Variants in IL18R1 observed in about 807,000 individuals in gnomAD.
IL18R1 encodes the protein interleukin 18 receptor 1.
In IL18R1, 40 loss-of-function variants were observed where a neutral mutation model predicts 48.5. The ratio of observed to expected loss-of-function variants is 0.82; its 90% CI spans 0.64 to 1.07. IL18R1 has a LOEUF of 1.07. Among genes scored for constraint, IL18R1 ranks in the 50% least tolerant of loss-of-function variants. The pLI is 0.00. For synonymous variants in IL18R1, 232 were observed against 225.9 expected, an observed-to-expected ratio of 1.03 and a Z score of -0.24; for missense variants, 596 against 633.7, an observed-to-expected ratio of 0.94 and a Z score of 0.64.
At chr2:102,360,515 G>A (rs1388064834) in intron 1 of IL18R1, among the ~76,000 whole-genome samples, 1 of 152,012 alleles carries the variant, frequency 6.6e-6, no homozygotes, top group Non-Finnish European at 1.5e-5. Context: ...CGCCCATCTC[G>A]GCCTCCCAAA....
intron 3 of IL18R1, among the ~76,000 whole-genome samples, chr2:102,369,176 A>G (rs1431355544): frequency 5.6e-5 from 4 of 71,328 alleles, no homozygotes; most frequent in South Asian, 3.0e-4. Flanking sequence ...GAAAAAGAAC[A>G]ACAAACACCG....
At chr2:102,380,205 A>T (rs762898770) in intron 5 of IL18R1, among the ~76,000 whole-genome samples, 6 of 152,088 alleles carry the variant, frequency 3.9e-5, no homozygotes, top group Admixed American at 6.5e-5. Context: ...TCCTTCCATG[A>T]CCTACATGGG....
intron 4 of IL18R1, among the ~76,000 whole-genome samples, chr2:102,374,731 C>T (rs6731157): frequency 0.53 from 80,734 of 151,166 alleles, 23,357 homozygotes; most frequent in African/African-American, 0.73. Flanking sequence ...CGAGCCGAGA[C>T]TGGGCCACTG....
chr2:102,367,986 T>C lies in IL18R1; in HGVS notation c.220T>C (p.Ser74Pro). Reference sequence around the variant, plus strand: ...TGTGGAGCTGAACCCAAGGAGTTCCTCGAGAATTGCTTTGCATGATTGTGT... The same window carrying C: ...TGTGGAGCTGAACCCAAGGAGTTCCCCGAGAATTGCTTTGCATGATTGTGT... ...EHVELNPRSS[S>P]RIALHDCVLE... Residue 74 changes from serine to proline, a missense_variant, in exon 3 of 11, where the codon TCG (serine) becomes CCG (proline). Coordinates refer to ENST00000233957, the MANE Select transcript of IL18R1 (RefSeq NM_003855.5). 1 of 1,614,200 alleles carries C rather than the reference T, an allele frequency of 6.2e-7. No homozygotes were observed. The highest frequency in any genetic ancestry group is 1.7e-5 in the Admixed American group (1 of 60,018).
In IL18R1 at chr2:102,368,087, T is replaced by C. The variant is rs372048536; in HGVS notation, c.302+19T>C. 2 of 1,612,534 alleles carry C rather than the reference T, an allele frequency of 1.2e-6. No individual in the cohort carries two copies. Among genetic ancestry groups the C allele is most frequent in the Non-Finnish European group, 1.7e-6 (2 of 1,178,734 alleles). Reference sequence around the variant, plus strand: ...AAATGAAGTGAGTAACCCTTTCTTTTCAAAATGTATTTCACAGCCCTCTTG... The same window carrying C: ...AAATGAAGTGAGTAACCCTTTCTTTCCAAAATGTATTTCACAGCCCTCTTG... On this transcript the variant is annotated intron_variant, in intron 3 of 10. Transcript: ENST00000233957.
At chr2:102,373,905 G>A in intron 4 of IL18R1, 1 of 425,400 alleles carries the variant, frequency 2.4e-6, no homozygotes, top group Admixed American at 2.5e-5. Flanking sequence ...TCTAATGCCT[G>A]ATGATCTGTC....
chr2:102,376,213 T>G (rs1446260510), intron 5 of IL18R1, 150 bp downstream of exon 5: 1 of 533,638 alleles, frequency 1.9e-6, no homozygotes, highest in Non-Finnish European at 3.1e-6. Context: ...AAATCTTCAT[T>G]CTGGTGCTCC....
intron 9 of IL18R1, among the ~76,000 whole-genome samples, chr2:102,394,166 AC>A (rs1444650411): frequency 1.3e-5 from 2 of 151,868 alleles, no homozygotes; most frequent in Non-Finnish European, 2.9e-5. Flanking sequence ...GAATGAGGAC[AC>A]CTTTGGGCTC....
intron 1 of IL18R1, among the ~76,000 whole-genome samples, 151 bp downstream of exon 1, chr2:102,356,551 C>T (rs1456292379): frequency 6.6e-6 from 1 of 152,204 alleles, no homozygotes; most frequent in Admixed American, 6.5e-5. Flanking sequence ...ATTGATGAGA[C>T]AGCATCCTGT....
At chr2:102,391,363 C>A (rs1482177279) in intron 9 of IL18R1, among the ~76,000 whole-genome samples, 1 of 152,170 alleles carries the variant, frequency 6.6e-6, no homozygotes, top group Non-Finnish European at 1.5e-5. Flanking sequence ...AATATGCGCA[C>A]TCTTTTCAAC....
At chr2:102,356,679 C>G (rs138498067) in intron 1 of IL18R1, among the ~76,000 whole-genome samples, 1 of 152,262 alleles carries the variant, frequency 6.6e-6, no homozygotes, top group Non-Finnish European at 1.5e-5. Context: ...TTACTGTGTG[C>G]CTGACACTGT....
At chr2:102,370,421 A>G (rs1381913972) in intron 3 of IL18R1, among the ~76,000 whole-genome samples, 1 of 152,136 alleles carries the variant, frequency 6.6e-6, no homozygotes, top group Non-Finnish European at 1.5e-5. Flanking sequence ...GACATTACGA[A>G]AACACACTTG....
chr2:102,382,339 C>G (rs1218173646), intron 6 of IL18R1, among the ~76,000 whole-genome samples: 1 of 152,036 alleles, frequency 6.6e-6, no homozygotes, highest in African/African-American at 2.4e-5. Context: ...AGAGATGAGT[C>G]AAACTAATTT....
chr2:102,381,621 T>A lies in IL18R1; in HGVS notation c.627T>A (p.Asp209Glu), dbSNP rs1460359611. ...TKTFNITIVE[D>E]RSNIVPVLLG... ...TGTCTTTTCTTTTGTCACTTCTAGA[T>A]CGCAGTAATATAGTTCCGGTTCTTC... Residue 209 changes from aspartate to glutamate, a missense_variant and splice_region_variant, in exon 6 of 11, where the codon GAT becomes GAA. Coordinates refer to ENST00000233957, the MANE Select transcript of IL18R1 (RefSeq NM_003855.5). The A allele has an allele frequency of 3.1e-6, 5 of 1,611,912 alleles. No individual in the cohort carries two copies. Among genetic ancestry groups the A allele is most frequent in the Non-Finnish European group, 4.2e-6 (5 of 1,178,122 alleles).
intron 5 of IL18R1, among the ~76,000 whole-genome samples, chr2:102,376,714 G>C (rs1679608631): frequency 6.6e-6 from 1 of 152,308 alleles, no homozygotes; most frequent in African/African-American, 2.4e-5. Context: ...GACCCAGGCT[G>C]TGTGTGATGG....
intron 3 of IL18R1, among the ~76,000 whole-genome samples, chr2:102,371,549 A>T (rs765494284): frequency 6.6e-6 from 1 of 152,216 alleles, no homozygotes; most frequent in South Asian, 2.1e-4. Context: ...AAACAACATC[A>T]GGAGTTTATA....
chr2:102,381,031 T>C (rs575790771), intron 5 of IL18R1, among the ~76,000 whole-genome samples: 8 of 152,130 alleles, frequency 5.3e-5, no homozygotes, highest in Non-Finnish European at 1.0e-4. Flanking sequence ...GGGGGCAGAA[T>C]TTATGTGCAG....
chr2:102,387,149 G>T (rs1030085939), intron 8 of IL18R1, 149 bp downstream of exon 8: 1 of 767,958 alleles, frequency 1.3e-6, no homozygotes, highest in Non-Finnish European at 2.1e-6. Flanking sequence ...ATTCAGTGGG[G>T]CCCCTCTGTC....
At chr2:102,370,837 T>C (rs1679207147) in intron 3 of IL18R1, among the ~76,000 whole-genome samples, 1 of 152,164 alleles carries the variant, frequency 6.6e-6, no homozygotes, top group Non-Finnish European at 1.5e-5. Context: ...TTCTATCCTA[T>C]TGTAGACCTA....
Sources: gnomAD v4.1 joint callset for allele counts (sites outside exome capture counted in the v4.1 genomes callset) on GRCh38, gnomAD v4.1.1 for gene constraint, MANE v1.5 for transcripts, NCBI Gene and HGNC (gene_info 2026-07-23, HGNC 2026-07-21) for gene names.